The following MIR2052HG variants were observed in gnomAD, a reference collection of about 807,000 sequenced individuals.
MIR2052HG encodes the protein MIR2052 host gene.
intron 2 of MIR2052HG, among the ~76,000 whole-genome samples, chr8:74,683,343 T>A (rs916067149): frequency 1.3e-5 from 2 of 152,102 alleles, no homozygotes; most frequent in Non-Finnish European, 2.9e-5. Flanking sequence ...TCACTCTGTA[T>A]CCCTGAATTT....
At chr8:74,749,069 T>C (rs1445740048) in intron 4 of MIR2052HG, among the ~76,000 whole-genome samples, 3 of 152,210 alleles carry the variant, frequency 2.0e-5, no homozygotes, top group Non-Finnish European at 4.4e-5. Flanking sequence ...ATAATGATTA[T>C]AGAATTTTTA....
intron 2 of MIR2052HG, among the ~76,000 whole-genome samples, chr8:74,643,034 T>G (rs1407354016): frequency 6.6e-6 from 1 of 152,288 alleles, no homozygotes; most frequent in Non-Finnish European, 1.5e-5. Context: ...ATTGGCAAAA[T>G]TACATTCGTA....
At chr8:74,615,515 A>G (rs1247244877) in intron 2 of MIR2052HG, among the ~76,000 whole-genome samples, 2 of 152,158 alleles carry the variant, frequency 1.3e-5, no homozygotes, top group African/African-American at 2.4e-5. Flanking sequence ...TTCAAACTCA[A>G]TATTTCAAAA....
intron 2 of MIR2052HG, among the ~76,000 whole-genome samples, chr8:74,632,086 T>C (rs1808518604): frequency 6.6e-6 from 1 of 152,164 alleles, no homozygotes; most frequent in East Asian, 1.9e-4. Context: ...CAAGAGAAGC[T>C]GAAGAGGATG....
At chr8:74,634,779 C>T (rs970675412) in intron 2 of MIR2052HG, among the ~76,000 whole-genome samples, 7 of 152,046 alleles carry the variant, frequency 4.6e-5, no homozygotes, top group East Asian at 1.9e-4. Flanking sequence ...TCATAGGTAT[C>T]GCAAGACAGA....
At chr8:74,629,879 T>C (rs1808484696) in intron 2 of MIR2052HG, among the ~76,000 whole-genome samples, 1 of 152,170 alleles carries the variant, frequency 6.6e-6, no homozygotes. Flanking sequence ...CAAAGTCCAC[T>C]CTCCTCTGCT....
At chr8:74,714,367 C>T (rs1303807619) in intron 4 of MIR2052HG, among the ~76,000 whole-genome samples, 2 of 152,088 alleles carry the variant, frequency 1.3e-5, no homozygotes, top group African/African-American at 4.8e-5. Context: ...TGATGAGTAT[C>T]ATTTCATGGG....
At chr8:74,685,953 C>T (rs931684429) in intron 2 of MIR2052HG, among the ~76,000 whole-genome samples, 1 of 151,966 alleles carries the variant, frequency 6.6e-6, no homozygotes, top group Non-Finnish European at 1.5e-5. Flanking sequence ...TTTTTAAGAT[C>T]ATCTAGGTGA....
At chr8:74,641,688 T>A (rs1383549450) in intron 2 of MIR2052HG, among the ~76,000 whole-genome samples, 1 of 152,120 alleles carries the variant, frequency 6.6e-6, no homozygotes, top group Non-Finnish European at 1.5e-5. Flanking sequence ...GACAAGCTGA[T>A]GTAATACATT....
chr8:74,725,487 G>A (rs1809623964), intron 4 of MIR2052HG, among the ~76,000 whole-genome samples: 3 of 152,146 alleles, frequency 2.0e-5, no homozygotes, highest in Non-Finnish European at 4.4e-5. Flanking sequence ...CAACGGGGTG[G>A]CTACTTGACA....
chr8:74,690,489 C>T (rs929824186), intron 2 of MIR2052HG, among the ~76,000 whole-genome samples: 1 of 151,508 alleles, frequency 6.6e-6, no homozygotes, highest in Non-Finnish European at 1.5e-5. Context: ...ACTAAAAATA[C>T]AAAAAATTAG....
chr8:74,674,098 C>A (rs975334577), intron 2 of MIR2052HG, among the ~76,000 whole-genome samples: 2 of 150,352 alleles, frequency 1.3e-5, no homozygotes, highest in African/African-American at 2.5e-5. Flanking sequence ...ATGGAAGTTA[C>A]AATGATACAT....
intron 2 of MIR2052HG, among the ~76,000 whole-genome samples, chr8:74,651,369 G>A (rs997815787): frequency 6.6e-6 from 1 of 152,036 alleles, no homozygotes; most frequent in Non-Finnish European, 1.5e-5. Context: ...ACAGGTAATG[G>A]TTAGAAGTCT....
At chr8:74,756,786 G>A (rs1275316087) in intron 5 of MIR2052HG, 1 of 152,114 alleles carries the variant, frequency 6.6e-6, no homozygotes, top group Non-Finnish European at 1.5e-5. Flanking sequence ...TGTAAGATGT[G>A]AAAGAAAAAA....
At chr8:74,640,852 A>G (rs757980957) in intron 2 of MIR2052HG, among the ~76,000 whole-genome samples, 2 of 152,212 alleles carry the variant, frequency 1.3e-5, no homozygotes, top group Non-Finnish European at 2.9e-5. Flanking sequence ...TACTTCAACA[A>G]GAATAAACTG....
intron 4 of MIR2052HG, among the ~76,000 whole-genome samples, chr8:74,730,418 A>G (rs1211238985): frequency 6.6e-6 from 1 of 152,224 alleles, no homozygotes; most frequent in Non-Finnish European, 1.5e-5. Context: ...TCTACTGTTC[A>G]TAAGAAAAAG....
chr8:74,615,609 C>G (rs906888249), intron 2 of MIR2052HG, among the ~76,000 whole-genome samples: 1 of 151,756 alleles, frequency 6.6e-6, no homozygotes, highest in Non-Finnish European at 1.5e-5. Context: ...GTGTTCTCAT[C>G]TTCTTTTTTT....
chr8:74,688,788 G>T (rs932367709), intron 2 of MIR2052HG, among the ~76,000 whole-genome samples: 1 of 152,058 alleles, frequency 6.6e-6, no homozygotes, highest in African/African-American at 2.4e-5. Flanking sequence ...AACCCAATTT[G>T]TCGCCTTTTA....
chr8:74,726,596 T>C (rs1809638774), intron 4 of MIR2052HG, among the ~76,000 whole-genome samples: 1 of 152,164 alleles, frequency 6.6e-6, no homozygotes, highest in Admixed American at 6.5e-5. Context: ...TAACTTGGAG[T>C]AACTTGTGTT....
Sources: allele counts gnomAD v4.1 joint callset (sites outside exome capture counted in the v4.1 genomes callset), GRCh38; gene constraint gnomAD v4.1.1; transcripts MANE v1.5; gene names NCBI Gene and HGNC (gene_info 2026-07-23, HGNC 2026-07-21).